Variants in NPAS1 observed in about 807,000 individuals in gnomAD.
NPAS1 encodes neuronal PAS domain protein 1.
Under a neutral mutation model 49.2 loss-of-function variants are expected in NPAS1, and 29 were observed. The ratio of observed to expected loss-of-function variants is 0.59; its 90% CI spans 0.44 to 0.80. The LOEUF (loss-of-function observed/expected upper bound fraction) is 0.80, where lower values mean the gene tolerates loss of function less well. Among genes scored for constraint, NPAS1 ranks in the 30% least tolerant of loss-of-function variants. The pLI, the probability that NPAS1 is intolerant of heterozygous loss-of-function variation, is 0.00. For synonymous variants in NPAS1, 408 were observed against 380.4 expected (o/e 1.07, Z -0.84); for missense variants, 825 against 835.5 (o/e 0.99, Z 0.15).
chr19:47,041,200 T>G, intron 10 of NPAS1, 75 bp downstream of exon 10: 1 of 1,384,240 alleles, frequency 7.2e-7, no homozygotes, highest in Non-Finnish European at 9.5e-7. Context: ...TGGGGGTGCT[T>G]TGGGGAGGGC....
chr19:47,044,270 G>C (rs2057051743), intron 11 of NPAS1, among the ~76,000 whole-genome samples: 1 of 152,036 alleles, frequency 6.6e-6, no homozygotes, highest in Non-Finnish European at 1.5e-5. Flanking sequence ...ACAGTGTTTT[G>C]CCACGTTGGC....
chr19:47,036,158 G>A, intron 6 of NPAS1, 29 bp downstream of exon 6: 1 of 1,549,384 alleles, frequency 6.5e-7, no homozygotes, highest in Non-Finnish European at 8.7e-7. Context: ...AAAGAATGAA[G>A]TCTGAGGGTA....
chr19:47,032,786 G>T, intron 5 of NPAS1, 54 bp downstream of exon 5: 2 of 1,270,034 alleles, frequency 1.6e-6, no homozygotes, highest in Non-Finnish European at 1.2e-6. Flanking sequence ...CCCTTGCCAG[G>T]CCTATGCATA....
In NPAS1 at chr19:47,045,437, C is replaced by T. The variant is rs1377811980; in HGVS notation, c.1559C>T (p.Pro520Leu). The T allele has an allele frequency of 2.5e-6, 4 of 1,602,736 alleles. No individual in the cohort carries two copies. In the African/African-American group the frequency reaches 5.4e-5, roughly 21 times the overall value. ...GGCCTGGCGCCTCCCGGGGACCCCC[C>T]GCCCACCCTCCTGCACGCGGGCTTC... is the stretch of plus-strand genomic sequence containing the variant. The part of the protein sequence containing the change: ...PWGLAPPGDP[P>L]PTLLHAGFLP... Residue 520 changes from proline (P) to leucine (L), a missense_variant, in exon 12 of 12, where the codon CCG becomes CTG. Physicochemically the swap from Pro to Leu is moderately conservative, Grantham distance 98 (BLOSUM62 -3). Coordinates refer to ENST00000602212, the MANE Select transcript of NPAS1 (RefSeq NM_002517.4).
Position 47,021,012 on chromosome 19 carries a change from CGGG to C in NPAS1, c.-34_-32del. ...TGGCCCCCTCCCGCTGCAGGAGACT[CGGG>C]GCTCGGAGCCCGCCTGAGCGAGCCC... On this transcript the variant is annotated 5_prime_UTR_variant, in exon 2 of 12. Transcript: ENST00000602212. The surrounding 1 kb of genome is among the most constrained non-coding windows in gnomAD (Gnocchi z 5.7). 1 of 1,568,742 alleles carries C rather than the reference CGGG, an allele frequency of 6.4e-7. No homozygotes were observed. The highest frequency in any genetic ancestry group is 8.6e-7 in the Non-Finnish European group (1 of 1,161,320).
At chr19:47,042,151 T>A (rs567219647) in intron 10 of NPAS1, among the ~76,000 whole-genome samples, 6 of 151,506 alleles carry the variant, frequency 4.0e-5, no homozygotes, top group East Asian at 3.9e-4. Flanking sequence ...ACTAAAAATT[T>A]AAAAAAAATT....
intron 7 of NPAS1, 121 bp from the exon 8 acceptor site, chr19:47,039,286 G>C: frequency 2.7e-6 from 4 of 1,477,672 alleles, no homozygotes; most frequent in Non-Finnish European, 3.7e-6. Flanking sequence ...GGACTGGGGG[G>C]GTCACACAGT....
rs150508616 is a variant in NPAS1, at chr19:47,045,363, C to G, written c.1485C>G (p.Thr495=). The change falls in exon 12 of 12, where the codon ACC becomes ACG. Residue 495 remains threonine, a synonymous_variant. Coordinates refer to ENST00000602212, the MANE Select transcript of NPAS1 (RefSeq NM_002517.4). ...SHPATPRPEF[T]SVIRAGVLKQ... Reference sequence around the variant, plus strand: ...CGGCCACACCGAGGCCCGAGTTCACCTCTGTCATCCGGGCAGGGGTCCTGA... The same window carrying G: ...CGGCCACACCGAGGCCCGAGTTCACGTCTGTCATCCGGGCAGGGGTCCTGA... The G allele has an allele frequency of 5.7e-4, 926 of 1,613,700 alleles. 6 individuals carry two copies. The African/African-American group carries it at 0.01, about 18-fold the overall frequency.
intron 6 of NPAS1, among the ~76,000 whole-genome samples, chr19:47,037,685 G>C (rs1481942243): frequency 6.6e-6 from 1 of 152,128 alleles, no homozygotes; most frequent in African/African-American, 2.4e-5. Flanking sequence ...TCCAATCTTG[G>C]GTTTGCTTAA....
intron 3 of NPAS1, among the ~76,000 whole-genome samples, chr19:47,026,736 C>A (rs1025195458): frequency 6.6e-6 from 1 of 152,130 alleles, no homozygotes. Context: ...AGGTGGATCA[C>A]CTGAGGTCAG....
At chr19:47,036,457 A>T (rs959829877) in intron 6 of NPAS1, among the ~76,000 whole-genome samples, 1 of 152,188 alleles carries the variant, frequency 6.6e-6, no homozygotes, top group African/African-American at 2.4e-5. Flanking sequence ...TAATTACGTT[A>T]GGGCCGGGCG....
At chr19:47,022,456 C>T (rs1407497077) in intron 3 of NPAS1, among the ~76,000 whole-genome samples, 1 of 152,240 alleles carries the variant, frequency 6.6e-6, no homozygotes, top group Non-Finnish European at 1.5e-5. Flanking sequence ...AAAAACGGTC[C>T]AACCTCCCCC....
chr19:47,042,326 CAAA>C (rs535281881), intron 10 of NPAS1, among the ~76,000 whole-genome samples: 1 of 152,000 alleles, frequency 6.6e-6, no homozygotes, highest in Admixed American at 6.5e-5. Context: ...AGCAAGCAAA[CAAA>C]AAAACCCTTC....
intron 3 of NPAS1, among the ~76,000 whole-genome samples, chr19:47,028,457 G>A (rs966638819): frequency 2.6e-5 from 4 of 152,050 alleles, no homozygotes; most frequent in Admixed American, 6.6e-5. Context: ...GCGGGGTTTC[G>A]CCGCCTGGTG....
chr19:47,025,043 T>TCAGGTGATCCGCCTGCCGCAG lies in NPAS1; in HGVS notation c.358+3197_358+3198insAGGTGATCCGCCTGCCGCAGC, dbSNP rs762820793. 9.3e-4 allele frequency among the ~76,000 whole-genome samples: 126 copies of TCAGGTGATCCGCCTGCCGCAG among 135,994 alleles called. 2 individuals carry two copies. Among genetic ancestry groups the TCAGGTGATCCGCCTGCCGCAG allele is most frequent in the Admixed American group, 1.7e-3 (21 of 12,030 alleles). 89.2% of individuals were successfully genotyped at this position (135,994 alleles called of 152,430 possible). A position where few individuals can be genotyped will look rare whatever the true frequency, so the allele number is the denominator to read the frequency against. On this transcript the variant is annotated intron_variant, in intron 3 of 11. Coordinates refer to ENST00000602212, the MANE Select transcript of NPAS1 (RefSeq NM_002517.4). ...CCAGGCTGGTCTCGAACTCCTGACC[T>TCAGGTGATCCGCCTGCCGCAG]CCTTATCCTCCCAAAGTGCTGGGAT...
intron 10 of NPAS1, 110 bp downstream of exon 10, chr19:47,041,235 G>A: frequency 2.8e-6 from 3 of 1,081,520 alleles, no homozygotes; most frequent in Non-Finnish European, 3.8e-6. Context: ...AAGCCCAGGG[G>A]GTCTGCAGAC....
chr19:47,041,172 G>C (rs373430317), intron 10 of NPAS1, 47 bp downstream of exon 10: 11 of 1,478,118 alleles, frequency 7.4e-6, no homozygotes, highest in Admixed American at 4.9e-5. Flanking sequence ...GGGCCCTGCT[G>C]TCTCTCCCCA....
chr19:47,027,332 C>CTCTCTCTGCCCCAGGTCCCCCG (rs2056877430), intron 3 of NPAS1, among the ~76,000 whole-genome samples: 1 of 150,256 alleles, frequency 6.7e-6, no homozygotes, highest in Admixed American at 6.7e-5. Flanking sequence ...CTGGATCCCC[C>CTCTCTCTGCCCCAGGTCCCCCG]TCTCTCTGCC....
At chr19:47,034,862 G>C (rs2056936111) in intron 5 of NPAS1, among the ~76,000 whole-genome samples, 1 of 151,468 alleles carries the variant, frequency 6.6e-6, no homozygotes, top group Non-Finnish European at 1.5e-5. Flanking sequence ...GGCAACGAGA[G>C]CAAAACCCCA....
Sources: allele counts gnomAD v4.1 joint callset (sites outside exome capture counted in the v4.1 genomes callset), GRCh38; gene constraint gnomAD v4.1.1; non-coding constraint Gnocchi (gnomAD v3.1); transcripts MANE v1.5; gene names NCBI Gene and HGNC (gene_info 2026-07-23, HGNC 2026-07-21).